The following SPTY2D1 variants were observed in gnomAD, a reference collection of about 807,000 sequenced individuals.
The protein encoded by SPTY2D1 is SPT2 chromatin protein domain containing 1, also known as protein SPT2 homolog.
Under a neutral mutation model 64.0 loss-of-function variants are expected in SPTY2D1, and 21 were observed. The observed-to-expected ratio is 0.33, with a 90% CI of 0.23 to 0.47. SPTY2D1 has a LOEUF of 0.47. Ranked by LOEUF, SPTY2D1 falls within the 20% of genes least tolerant of loss-of-function variation. SPTY2D1 has a pLI of 1.00. For synonymous variants in SPTY2D1, 287 were observed against 286.8 expected (o/e 1.00, Z -0.01); for missense variants, 724 against 837.2 (o/e 0.86, Z 1.67).
intron 1 of SPTY2D1, among the ~76,000 whole-genome samples, chr11:18,628,725 T>A (rs991541390): frequency 1.3e-5 from 2 of 152,308 alleles, no homozygotes; most frequent in Admixed American, 1.3e-4. Flanking sequence ...TTATTAAGGT[T>A]AACAGATCCA....
intron 1 of SPTY2D1, among the ~76,000 whole-genome samples, chr11:18,629,711 T>C (rs10832958): frequency 0.25 from 37,301 of 152,132 alleles, 5,085 homozygotes; most frequent in Non-Finnish European, 0.32. Context: ...GCAGTTATTA[T>C]ATATTCAGTT....
At chr11:18,613,795 T>C (rs970180651) in intron 3 of SPTY2D1, among the ~76,000 whole-genome samples, 15 of 152,118 alleles carry the variant, frequency 9.9e-5, no homozygotes, top group Non-Finnish European at 8.8e-5. Context: ...GGACAGCAGA[T>C]TCCTGAAGGA....
chr11:18,629,943 G>T (rs576482220), intron 1 of SPTY2D1, among the ~76,000 whole-genome samples: 1 of 152,092 alleles, frequency 6.6e-6, no homozygotes, highest in South Asian at 2.1e-4. Context: ...GGTCAAGGTG[G>T]GTGGATCACA....
chr11:18,614,353 G>A (rs1250614933), intron 3 of SPTY2D1, among the ~76,000 whole-genome samples: 1 of 152,128 alleles, frequency 6.6e-6, no homozygotes, highest in African/African-American at 2.4e-5. Context: ...GCCTGTGATT[G>A]TGCCTGGGCA....
At position 18,628,723 on chromosome 11, in the gene SPTY2D1, G is replaced by A. The variant is rs141184491; in HGVS notation, c.60+5475C>T. Among the ~76,000 whole-genome samples the A allele has an allele frequency of 3.3e-3, 498 of 152,218 alleles. 3 individuals are homozygous for A. The highest frequency in any genetic ancestry group is 0.012 in the African/African-American group (486 of 41,538). Reference sequence around the variant, plus strand: ...ATATTGCCAGGACCTCGTTATTAAGGTTAACAGATCCAAGGGTGGGGAGCA... The same window carrying A: ...ATATTGCCAGGACCTCGTTATTAAGATTAACAGATCCAAGGGTGGGGAGCA... On this transcript the variant is annotated intron_variant, in intron 1 of 5. Transcript: ENST00000336349.
rs1461811071 is a variant in SPTY2D1, at chr11:18,615,288, G to C, written c.986C>G (p.Ala329Gly). The C allele has an allele frequency of 4.3e-6, 7 of 1,614,222 alleles. No homozygotes were observed. In the South Asian group the frequency reaches 6.6e-5, roughly 15 times the overall value. The part of the protein sequence containing the change: ...TSSPSVPKTS[A>G]SRTQKSAVEH... Reference sequence around the variant, plus strand: ...AACAGCAGATTTCTGAGTCCTGCTAGCAGAAGTCTTTGGGACACTTGGTGA... The same window carrying C: ...AACAGCAGATTTCTGAGTCCTGCTACCAGAAGTCTTTGGGACACTTGGTGA... Residue 329 changes from alanine (A) to glycine (G), a missense_variant, in exon 3 of 6, where the codon GCT becomes GGT. This residue lies in a region of SPTY2D1 where 426 missense variants were observed against 431.8 expected (regional missense o/e 0.99). Transcript: ENST00000336349.
chr11:18,634,110 G>A, intron 1 of SPTY2D1, 88 bp downstream of exon 1: 4 of 1,459,178 alleles, frequency 2.7e-6, no homozygotes, highest in Non-Finnish European at 2.9e-6. Flanking sequence ...GGAGCCGATA[G>A]GCGGCTGCCC....
intron 1 of SPTY2D1, 124 bp downstream of exon 1, chr11:18,634,072 AAT>A: frequency 9.6e-7 from 1 of 1,044,040 alleles, no homozygotes; most frequent in Non-Finnish European, 1.4e-6. Flanking sequence ...AAGAAAAGGA[AAT>A]AAGGCGTCCG....
intron 1 of SPTY2D1, among the ~76,000 whole-genome samples, chr11:18,622,100 A>AAAAAAAAAAAAAAAAACC (rs1854417961): frequency 6.7e-6 from 1 of 148,212 alleles, no homozygotes; most frequent in African/African-American, 2.5e-5. Context: ...AAAAAAAAAA[A>AAAAAAAAAAAAAAAAACC]AAAACCAAAA....
At chr11:18,622,086 C>CAAAAAAAAAAAAAAAAAAAAAAAAAAAA (rs747593791) in intron 1 of SPTY2D1, among the ~76,000 whole-genome samples, 1 of 11,826 alleles carries the variant, frequency 8.5e-5, no homozygotes, top group African/African-American at 2.4e-4. Context: ...GACCCTATCT[C>CAAAAAAAAAAAAAAAAAAAAAAAAAAAA]AAAAAAAAAA....
Position 18,608,505 on chromosome 11 carries a change from C to T in SPTY2D1, c.*1356G>A, listed in dbSNP as rs944032543. On this transcript the variant is annotated 3_prime_UTR_variant, in exon 6 of 6. Coordinates refer to ENST00000336349, the MANE Select transcript of SPTY2D1 (RefSeq NM_194285.3). ...GATAGCCAAAACGTTTATTGTAGAA[C>T]GTTTATTATTCCTACAAGCTTATGT... The T allele has an allele frequency of 5.3e-5, 8 of 152,172 alleles. No homozygotes were observed. The highest frequency in any genetic ancestry group is 1.3e-4 in the Admixed American group (2 of 15,272). 9.4% of individuals were successfully genotyped at this position (152,172 alleles called of 1,614,324 possible). A position where few individuals can be genotyped will look rare whatever the true frequency, so the allele number is the denominator to read the frequency against.
intron 1 of SPTY2D1, among the ~76,000 whole-genome samples, chr11:18,622,055 C>T (rs1854414155): frequency 1.2e-5 from 1 of 81,212 alleles, no homozygotes; most frequent in South Asian, 4.6e-4. Flanking sequence ...CTATGGCACT[C>T]CAGCCTGAAC....
intron 3 of SPTY2D1, among the ~76,000 whole-genome samples, chr11:18,613,971 T>G (rs564761888): frequency 6.6e-6 from 1 of 152,182 alleles, no homozygotes; most frequent in Non-Finnish European, 1.5e-5. Context: ...CAGGAAAAAG[T>G]AGATTAATTC....
chr11:18,626,609 T>C (rs1185489566), intron 1 of SPTY2D1, among the ~76,000 whole-genome samples: 1 of 152,234 alleles, frequency 6.6e-6, no homozygotes, highest in Non-Finnish European at 1.5e-5. Context: ...TTAGATTCTC[T>C]GCTCTACCAT....
At chr11:18,614,508 CTT>C in intron 3 of SPTY2D1, 53 bp downstream of exon 3, 1 of 1,524,610 alleles carries the variant, frequency 6.6e-7, no homozygotes, top group South Asian at 1.3e-5. Flanking sequence ...TATAAAAACT[CTT>C]TCCAATTTCC....
chr11:18,618,801 G>C (rs1420245317), intron 1 of SPTY2D1, among the ~76,000 whole-genome samples: 1 of 152,196 alleles, frequency 6.6e-6, no homozygotes, highest in Non-Finnish European at 1.5e-5. Flanking sequence ...AAACAGGCTG[G>C]AAGTTTCAAC....
chr11:18,615,994 G>C lies in SPTY2D1; in HGVS notation c.280C>G (p.His94Asp). 1 of 1,614,106 alleles carries C rather than the reference G, an allele frequency of 6.2e-7. No individual in the cohort carries two copies. Residue 94 changes from histidine (H) to aspartate (D), a missense_variant, in exon 3 of 6, where the codon CAT (histidine) becomes GAT (aspartate). Transcript: ENST00000336349. ...TCAATAGGAATCCCATTGTAACCAT[G>C]GAAATTATCCTTTGTCCTCTTGGCC... is the stretch of plus-strand genomic sequence containing the variant. ...AMAKRTKDNF[H>D]GYNGIPIEEK...
At chr11:18,610,815 T>A (rs1854194297) in intron 5 of SPTY2D1, among the ~76,000 whole-genome samples, 1 of 152,124 alleles carries the variant, frequency 6.6e-6, no homozygotes, top group Admixed American at 6.6e-5. Context: ...GCCAGCAATG[T>A]TACAGGTTAC....
At chr11:18,619,508 C>T (rs913772321) in intron 1 of SPTY2D1, among the ~76,000 whole-genome samples, 1 of 151,044 alleles carries the variant, frequency 6.6e-6, no homozygotes, top group African/African-American at 2.4e-5. Flanking sequence ...CCTGTAATCC[C>T]AGAACTTTGG....
Sources: allele counts gnomAD v4.1 joint callset (sites outside exome capture counted in the v4.1 genomes callset), GRCh38; gene constraint gnomAD v4.1.1; regional missense constraint gnomAD v4.1.1; transcripts MANE v1.5; gene names NCBI Gene and HGNC (gene_info 2026-07-23, HGNC 2026-07-21).